Variants in UNC13C observed in about 807,000 individuals in gnomAD.
UNC13C encodes the protein unc-13 homolog C, also known as protein unc-13 homolog C.
UNC13C carries 174 observed loss-of-function variants against 245.4 expected under a neutral mutation model. The observed-to-expected ratio is 0.71, with a 90% CI of 0.63 to 0.80. The LOEUF (loss-of-function observed/expected upper bound fraction) is 0.80, where lower values mean the gene tolerates loss of function less well. Ranked by LOEUF, UNC13C falls within the 30% of genes least tolerant of loss-of-function variation. The probability of loss-of-function intolerance (pLI) is 0.00; values close to 1 mark genes in which losing one functional copy is unlikely to be tolerated. For synonymous variants in UNC13C, 992 were observed against 895.1 expected, an observed-to-expected ratio of 1.11 and a Z score of -1.93; for missense variants, 2,829 against 2,602.9, an observed-to-expected ratio of 1.09 and a Z score of -1.89.
At chr15:54,539,287 G>T (rs918837325) in intron 26 of UNC13C, among the ~76,000 whole-genome samples, 1 of 151,684 alleles carries the variant, frequency 6.6e-6, no homozygotes, top group Non-Finnish European at 1.5e-5. Flanking sequence ...TTCTCTGTGG[G>T]GAAATATCTA....
At chr15:54,622,501 C>A (rs1357505476) in intron 31 of UNC13C, 82 bp downstream of exon 31, 3 of 1,111,542 alleles carry the variant, frequency 2.7e-6, no homozygotes, top group African/African-American at 1.6e-5. Context: ...ACTTTTCTTG[C>A]ATTTAAAAAA....
At chr15:54,451,967 C>T (rs1169390881) in intron 19 of UNC13C, among the ~76,000 whole-genome samples, 2 of 152,296 alleles carry the variant, frequency 1.3e-5, no homozygotes, top group African/African-American at 4.8e-5. Context: ...AGGTAGGGAA[C>T]ATTGGCTTTG....
In UNC13C at chr15:54,014,263, G is replaced by T. The variant is rs1895530136; in HGVS notation, c.1360G>T (p.Glu454Ter). 1 of 1,613,884 alleles carries T rather than the reference G, an allele frequency of 6.2e-7. No individual in the cohort carries two copies. The highest frequency in any genetic ancestry group is 8.5e-7 in the Non-Finnish European group (1 of 1,179,842). Reference sequence around the variant, plus strand: ...TTGGCAGTCACCTGATGACAGTGATGAAGATCTTGAATCTGACCTCAATAG... The same window carrying T: ...TTGGCAGTCACCTGATGACAGTGATTAAGATCTTGAATCTGACCTCAATAG... ...NNWQSPDDSD[E>*]DLESDLNRNS... The change falls in exon 2 of 33, where the codon GAA (glutamate) becomes TAA (stop). Residue 454 changes from glutamate to a stop codon, truncating the protein, a stop_gained. Coordinates refer to ENST00000260323, the MANE Select transcript of UNC13C (RefSeq NM_001080534.3). LOFTEE classifies it high-confidence loss of function.
intron 13 of UNC13C, among the ~76,000 whole-genome samples, chr15:54,316,594 C>G (rs536525846): frequency 6.6e-6 from 1 of 152,026 alleles, no homozygotes; most frequent in Non-Finnish European, 1.5e-5. Flanking sequence ...ATTCCCCCAG[C>G]AGTCTATAAG....
downstream of UNC13C, chr15:54,631,278 C>T (rs1480830466): frequency 6.6e-6 from 1 of 152,166 alleles, no homozygotes; most frequent in African/African-American, 2.4e-5. Flanking sequence ...GCCTGGGAAG[C>T]AGAGGTTCCA....
At chr15:54,349,558 T>C (rs1040643703) in intron 17 of UNC13C, among the ~76,000 whole-genome samples, 9 of 152,126 alleles carry the variant, frequency 5.9e-5, no homozygotes, top group Non-Finnish European at 1.0e-4. Context: ...ATATTAAATA[T>C]TAAAGAACAT....
At chr15:53,971,307 G>C in the UNC13C span, among the ~76,000 whole-genome samples, 1 of 152,110 alleles carries the variant, frequency 6.6e-6, no homozygotes, top group East Asian at 1.9e-4. Context: ...CTAAAAAATG[G>C]ATTATAGTTT....
At chr15:54,259,839 C>T (rs1019431758) in intron 8 of UNC13C, among the ~76,000 whole-genome samples, 13 of 152,206 alleles carry the variant, frequency 8.5e-5, no homozygotes, top group African/African-American at 3.1e-4. Flanking sequence ...CAAAGAATTG[C>T]AAATCCAAAC....
intron 2 of UNC13C, among the ~76,000 whole-genome samples, chr15:54,033,204 A>G (rs1896435867): frequency 6.6e-6 from 1 of 152,182 alleles, no homozygotes; most frequent in South Asian, 2.1e-4. Context: ...TTATCGCCTC[A>G]GAACCCACCC....
chr15:54,113,340 G>A (rs1420983534), intron 2 of UNC13C, among the ~76,000 whole-genome samples: 1 of 152,192 alleles, frequency 6.6e-6, no homozygotes, highest in Non-Finnish European at 1.5e-5. Flanking sequence ...AGGAAGACAA[G>A]TAGTGGGAAA....
chr15:54,595,435 C>A (rs775953560), intron 30 of UNC13C, among the ~76,000 whole-genome samples: 1 of 152,052 alleles, frequency 6.6e-6, no homozygotes, highest in South Asian at 2.1e-4. Context: ...GGGTGTCGCC[C>A]GGTCCCTGCA....
At position 54,321,939 on chromosome 15, in the gene UNC13C, G is replaced by T. The variant is rs1266794091; in HGVS notation, c.4269G>T (p.Thr1423=). The change falls in exon 14 of 33, where the codon ACG becomes ACT. Residue 1423 remains threonine, a splice_region_variant and synonymous_variant. Coordinates refer to ENST00000260323, the MANE Select transcript of UNC13C (RefSeq NM_001080534.3). ...ACACTTTATGTTTTTTGTCTTTCAG[G>T]CACTTTTCATGTCTGTCTTCTAAAT... The part of the protein sequence containing the change: ...YGIESIYQAM[T]HFSCLSSKYM... The T allele has an allele frequency of 6.4e-7, 1 of 1,564,584 alleles. No individual in the cohort carries two copies. The highest frequency in any genetic ancestry group is 8.7e-7 in the Non-Finnish European group (1 of 1,154,464).
downstream of UNC13C, chr15:54,631,255 G>A (rs1252928559): frequency 6.6e-6 from 1 of 152,246 alleles, no homozygotes; most frequent in African/African-American, 2.4e-5. Context: ...GCTGAGGCAG[G>A]AGAATCACTT....
At chr15:54,385,255 G>C (rs1180507477) in intron 17 of UNC13C, among the ~76,000 whole-genome samples, 5 of 152,106 alleles carry the variant, frequency 3.3e-5, no homozygotes, top group Admixed American at 3.3e-4. Flanking sequence ...CATAGTACTG[G>C]AAGTCCTTCG....
intron 2 of UNC13C, among the ~76,000 whole-genome samples, chr15:54,119,768 C>A (rs1306789027): frequency 3.9e-5 from 6 of 152,090 alleles, no homozygotes; most frequent in Admixed American, 3.3e-4. Flanking sequence ...AGTGAATACA[C>A]AAATGATAAA....
At chr15:54,061,971 T>C (rs1355955084) in intron 2 of UNC13C, among the ~76,000 whole-genome samples, 1 of 152,142 alleles carries the variant, frequency 6.6e-6, no homozygotes, top group African/African-American at 2.4e-5. Context: ...ACTTAAATTA[T>C]TCATTCATGC....
At chr15:53,994,606 T>C (rs1221454683) in intron 1 of UNC13C, among the ~76,000 whole-genome samples, 1 of 152,034 alleles carries the variant, frequency 6.6e-6, no homozygotes, top group East Asian at 1.9e-4. Flanking sequence ...TTTCTCCCAG[T>C]GCAACATTCA....
At chr15:53,884,769 T>C in the UNC13C span, among the ~76,000 whole-genome samples, 1 of 152,216 alleles carries the variant, frequency 6.6e-6, no homozygotes, top group Non-Finnish European at 1.5e-5. Flanking sequence ...TTTGGAATTT[T>C]AGTTCCTGAC....
intron 19 of UNC13C, among the ~76,000 whole-genome samples, chr15:54,424,327 G>A (rs981600321): frequency 1.3e-5 from 2 of 151,858 alleles, no homozygotes; most frequent in Non-Finnish European, 2.9e-5. Context: ...TTGGGAAGGA[G>A]GTAGCAGTTG....
Sources: allele counts gnomAD v4.1 joint callset (sites outside exome capture counted in the v4.1 genomes callset), GRCh38; gene constraint gnomAD v4.1.1; transcripts MANE v1.5; gene names NCBI Gene and HGNC (gene_info 2026-07-23, HGNC 2026-07-21).